MRPS25: variants seen among roughly 807,000 people sequenced by gnomAD.
MRPS25 encodes the protein mitochondrial ribosomal protein S25, also known as small ribosomal subunit protein mS25.
Under a neutral mutation model 17.3 loss-of-function variants are expected in MRPS25, and 15 were observed. The observed-to-expected ratio is 0.87, with a 90% CI of 0.58 to 1.34. The LOEUF is 1.34. Among genes scored for constraint, MRPS25 ranks in the 40% most tolerant of loss-of-function variants. The pLI, the probability that MRPS25 is intolerant of heterozygous loss-of-function variation, is 0.00. For missense variants in MRPS25, 225 were observed against 218.6 expected, an observed-to-expected ratio of 1.03 and a Z score of -0.19; for synonymous variants, 94 against 83.3, an observed-to-expected ratio of 1.13 and a Z score of -0.70.
chr3:15,042,819 C>T (rs781479344), downstream of MRPS25: 1 of 1,610,270 alleles, frequency 6.2e-7, no homozygotes, highest in South Asian at 1.1e-5. Context: ...TTTCTAATGA[C>T]ACTCCCTTTT....
intron 2 of MRPS25, among the ~76,000 whole-genome samples, chr3:15,056,892 G>GGCACAATC (rs1203084712): frequency 7.9e-5 from 12 of 152,218 alleles, no homozygotes; most frequent in African/African-American, 2.2e-4. Flanking sequence ...AGTGCAACAC[G>GGCACAATC]GCACAATCGC....
chr3:15,050,504 A>C lies in MRPS25; in HGVS notation c.*1937T>G. On this transcript the variant is annotated 3_prime_UTR_variant, in exon 4 of 4. Transcript: ENST00000253686. ...GAGACCTACACTGCAGATGAAAGCC[A>C]AAAGGAACTAGGTGCTTTCTGAAGA... The C allele has an allele frequency of 1.0e-5, 10 of 985,922 alleles. No homozygotes were observed. The highest frequency in any genetic ancestry group is 1.2e-5 in the Non-Finnish European group (10 of 830,346). 61.1% of individuals were successfully genotyped at this position (985,922 alleles called of 1,614,324 possible).
At chr3:15,042,986 A>G, downstream of MRPS25, 1 of 1,614,104 alleles carries the variant, frequency 6.2e-7, no homozygotes, top group Non-Finnish European at 8.5e-7. Flanking sequence ...TATAATGGCC[A>G]GATCACCGGA....
At chr3:15,057,542 G>GATTCTAGTTACATGAC (rs1315220467) in intron 2 of MRPS25, among the ~76,000 whole-genome samples, 2 of 152,214 alleles carry the variant, frequency 1.3e-5, no homozygotes, top group African/African-American at 4.8e-5. Flanking sequence ...CATACTGTGA[G>GATTCTAGTTACATGAC]ATTCTAGTTA....
Position 15,051,919 on chromosome 3 carries a change from AGTG to A in MRPS25, c.*519_*521del, listed in dbSNP as rs2042611458. The A allele has an allele frequency of 1.0e-6, 1 of 985,644 alleles. No homozygotes were observed. The highest frequency in any genetic ancestry group is 1.2e-6 in the Non-Finnish European group (1 of 830,096). 61.1% of individuals were successfully genotyped at this position (985,644 alleles called of 1,614,324 possible). On this transcript the variant is annotated 3_prime_UTR_variant, in exon 4 of 4. Transcript: ENST00000253686. ...AAGGGTAATCAACTGTACTTAAAAA[AGTG>A]AGCACTGCACGAAGGGTTGCCTTTG...
chr3:15,051,217 T>C lies in MRPS25; in HGVS notation c.*1224A>G. On this transcript the variant is annotated 3_prime_UTR_variant, in exon 4 of 4. Coordinates refer to ENST00000253686, the MANE Select transcript of MRPS25 (RefSeq NM_022497.5). ...ATTTTTTTTCTTGAGACAGTCTTGC[T>C]CTGTGGCCCAGGCTGGAGTGCAGTA... 8.2e-6 allele frequency: 8 copies of C among 975,428 alleles called. No homozygotes were observed. The highest frequency in any genetic ancestry group is 9.7e-6 in the Non-Finnish European group (8 of 820,768). The allele number at this position is 975,428 out of a possible 1,614,324, so 60.4% of individuals were successfully genotyped here.
At chr3:15,064,922 A>G in intron 1 of MRPS25, 139 bp downstream of exon 1, 1 of 1,101,724 alleles carries the variant, frequency 9.1e-7, no homozygotes, top group Non-Finnish European at 1.3e-6. Context: ...ACCTCTGTAA[A>G]ATGGGGGTAA....
At chr3:15,064,906 G>A (rs2042832822) in intron 1 of MRPS25, among the ~76,000 whole-genome samples, 155 bp downstream of exon 1, 1 of 152,314 alleles carries the variant, frequency 6.6e-6, no homozygotes, top group East Asian at 1.9e-4. Context: ...GTCCGCCTCA[G>A]TCTGGACCTC....
rs564652426 is a variant in MRPS25 at position 15,051,187 on chromosome 3, A to T, written c.*1254T>A. The T allele has an allele frequency of 9.4e-5, 91 of 971,686 alleles. 1 individual carries two copies. In the South Asian group the frequency reaches 3.3e-3, roughly 35 times the overall value. 60.2% of individuals were successfully genotyped at this position (971,686 alleles called of 1,614,324 possible). A position where few individuals can be genotyped will look rare whatever the true frequency, so the allele number is the denominator to read the frequency against. On this transcript the variant is annotated 3_prime_UTR_variant, in exon 4 of 4. Transcript: ENST00000253686. ...CTTCACTTTATAATTAAACTTATTTAAAAAATTTTTTTTCTTGAGACAGTC... is the reference window on the plus strand; with the variant it reads ...CTTCACTTTATAATTAAACTTATTTTAAAAATTTTTTTTCTTGAGACAGTC...
Position 15,050,292 on chromosome 3 carries a change from C to T in MRPS25, c.*2149G>A, listed in dbSNP as rs1407592545. 9.1e-7 allele frequency: 1 copy of T among 1,096,336 alleles called. No homozygotes were observed. Among genetic ancestry groups the T allele is most frequent in the South Asian group, 2.3e-5 (1 of 42,838 alleles). 67.9% of individuals were successfully genotyped at this position (1,096,336 alleles called of 1,614,324 possible). A position where few individuals can be genotyped will look rare whatever the true frequency, so the allele number is the denominator to read the frequency against. On this transcript the variant is annotated 3_prime_UTR_variant, in exon 4 of 4. Transcript: ENST00000253686. Reference sequence around the variant, plus strand: ...AGGGTCTGGGCTGTCCACCTCACTGCCCATTGCTCCTGTGTCAAGCCTGAA... The same window carrying T: ...AGGGTCTGGGCTGTCCACCTCACTGTCCATTGCTCCTGTGTCAAGCCTGAA...
In MRPS25 at chr3:15,059,472, C is replaced by T. The variant is rs1296124967; in HGVS notation, c.138G>A (p.Lys46=). ...TCTGAGGTATGTTGAAAAACACAAACTTCCTGCAAAAGGGAAGAAATGAAG... is the reference window on the plus strand; with the variant it reads ...TCTGAGGTATGTTGAAAAACACAAATTTCCTGCAAAAGGGAAGAAATGAAG... The part of the protein sequence containing the change: ...THGELGEGAR[K]FVFFNIPQIQ... Residue 46 remains lysine, a synonymous_variant, in exon 2 of 4, where the codon AAG becomes AAA. Transcript: ENST00000253686. The T allele has an allele frequency of 6.2e-7, 1 of 1,607,058 alleles. No homozygotes were observed. The highest frequency in any genetic ancestry group is 8.5e-7 in the Non-Finnish European group (1 of 1,174,362).
At position 15,051,462 on chromosome 3, in the gene MRPS25, C is replaced by T; in HGVS notation, c.*979G>A. ...CCTCCCAAAGTGCTGGGATTACAGG[C>T]ATGAGCCACCACACCCAGCCTAGCT... On this transcript the variant is annotated 3_prime_UTR_variant, in exon 4 of 4. Coordinates refer to ENST00000253686, the MANE Select transcript of MRPS25 (RefSeq NM_022497.5). 1 of 982,494 alleles carries T rather than the reference C, an allele frequency of 1.0e-6. No homozygotes were observed. Among genetic ancestry groups the T allele is most frequent in the Non-Finnish European group, 1.2e-6 (1 of 827,224 alleles). The allele number at this position is 982,494 out of a possible 1,614,324, so 60.9% of individuals were successfully genotyped here.
chr3:15,050,139 T>G lies in MRPS25; in HGVS notation c.*2302A>C. ...AGGTTTAAAGAGAAACTATCCAGGATCAAGTAGCCTACAGGGAACAAAAAA... is the reference window on the plus strand; with the variant it reads ...AGGTTTAAAGAGAAACTATCCAGGAGCAAGTAGCCTACAGGGAACAAAAAA... On this transcript the variant is annotated 3_prime_UTR_variant, in exon 4 of 4. Coordinates refer to ENST00000253686, the MANE Select transcript of MRPS25 (RefSeq NM_022497.5). The G allele has an allele frequency of 7.4e-7, 1 of 1,358,780 alleles. No individual in the cohort carries two copies. The highest frequency in any genetic ancestry group is 9.4e-7 in the Non-Finnish European group (1 of 1,066,744). The allele number at this position is 1,358,780 out of a possible 1,614,324, so 84.2% of individuals were successfully genotyped here. A position where few individuals can be genotyped will look rare whatever the true frequency, so the allele number is the denominator to read the frequency against.
chr3:15,048,473 A>G (rs190155062), downstream of MRPS25: 2 of 152,764 alleles, frequency 1.3e-5, no homozygotes, highest in Admixed American at 6.5e-5. Flanking sequence ...ATGCCCAGCT[A>G]TAAATAATTT....
rs541013674 is a variant in MRPS25 at position 15,050,627 on chromosome 3, C to G, written c.*1814G>C. On this transcript the variant is annotated 3_prime_UTR_variant, in exon 4 of 4. Coordinates refer to ENST00000253686, the MANE Select transcript of MRPS25 (RefSeq NM_022497.5). ...TGAAACCAGCAGACATGGGAGGGCTCTCTGTGGAGGAGAGCTTTTTCCACC... is the reference window on the plus strand; with the variant it reads ...TGAAACCAGCAGACATGGGAGGGCTGTCTGTGGAGGAGAGCTTTTTCCACC... The G allele has an allele frequency of 1.2e-5, 12 of 985,416 alleles. No homozygotes were observed. In the South Asian group the frequency reaches 4.2e-4, roughly 35 times the overall value. The allele number at this position is 985,416 out of a possible 1,614,324, so 61.0% of individuals were successfully genotyped here.
chr3:15,051,139 A>G lies in MRPS25; in HGVS notation c.*1302T>C. ...GTCAGGTCTCCTTGGCTGAGTTTCT[A>G]GGGGTCCGTGGTCCAACTGGTCCTT... On this transcript the variant is annotated 3_prime_UTR_variant, in exon 4 of 4. Transcript: ENST00000253686. 1.0e-6 allele frequency: 1 copy of G among 985,396 alleles called. No homozygotes were observed. The highest frequency in any genetic ancestry group is 1.2e-6 in the Non-Finnish European group (1 of 829,946). 61.0% of individuals were successfully genotyped at this position (985,396 alleles called of 1,614,324 possible). A position where few individuals can be genotyped will look rare whatever the true frequency, so the allele number is the denominator to read the frequency against.
At chr3:15,052,723 AC>A in intron 3 of MRPS25, 90 bp from the exon 4 acceptor site, 1 of 1,311,168 alleles carries the variant, frequency 7.6e-7, no homozygotes. Context: ...CCCACCATCC[AC>A]CAGGGACACC....
At position 15,052,002 on chromosome 3, in the gene MRPS25, CCA is replaced by C; in HGVS notation, c.*437_*438del. On this transcript the variant is annotated 3_prime_UTR_variant, in exon 4 of 4. Transcript: ENST00000253686. ...AACGGAGGGGTGTACACACTGCCAA[CCA>C]CAGACAGTGCTAGCCAGACTCAACC... 2.0e-6 allele frequency: 2 copies of C among 992,336 alleles called. No individual in the cohort carries two copies. Among genetic ancestry groups the C allele is most frequent in the Non-Finnish European group, 2.4e-6 (2 of 834,582 alleles). 61.5% of individuals were successfully genotyped at this position (992,336 alleles called of 1,614,324 possible).
intron 2 of MRPS25, among the ~76,000 whole-genome samples, chr3:15,057,212 CCAACA>C (rs781480429): frequency 6.6e-6 from 1 of 152,214 alleles, no homozygotes; most frequent in African/African-American, 2.4e-5. Context: ...CCTTCACAAC[CCAACA>C]CAAGGCTAGA....
Sources: gnomAD v4.1 joint callset for allele counts (sites outside exome capture counted in the v4.1 genomes callset) on GRCh38, gnomAD v4.1.1 for gene constraint, MANE v1.5 for transcripts, NCBI Gene and HGNC (gene_info 2026-07-23, HGNC 2026-07-21) for gene names.